The following CSMD1 variants were observed in gnomAD, a reference collection of about 807,000 sequenced individuals.
CSMD1 encodes the protein CUB and sushi domain-containing protein 1.
CSMD1 carries 213 observed loss-of-function variants against 417.5 expected under a neutral mutation model. The observed-to-expected ratio is 0.51, with a 90% confidence interval of 0.46 to 0.57. The LOEUF is 0.57. CSMD1 is among the 20% of genes least tolerant of loss of function. The pLI, the probability that CSMD1 is intolerant of heterozygous loss-of-function variation, is 0.00. For synonymous variants in CSMD1, 2,862 were observed against 1,736.8 expected (o/e 1.65, Z -16.11); for missense variants, 6,923 against 4,529.7 (o/e 1.53, Z -15.17).
At chr8:3,202,680 T>A (rs531645376) in intron 31 of CSMD1, among the ~76,000 whole-genome samples, 1 of 152,354 alleles carries the variant, frequency 6.6e-6, no homozygotes, top group African/African-American at 2.4e-5. Context: ...ACTAGTTGTG[T>A]GTGTCAGAAT....
At chr8:4,335,061 C>G (rs949796881) in intron 3 of CSMD1, among the ~76,000 whole-genome samples, 1 of 152,096 alleles carries the variant, frequency 6.6e-6, no homozygotes, top group Non-Finnish European at 1.5e-5. Flanking sequence ...ACCACCATAT[C>G]TGACTAATTT....
chr8:3,656,923 T>G (rs1219926289), intron 7 of CSMD1, among the ~76,000 whole-genome samples: 1 of 142,542 alleles, frequency 7.0e-6, no homozygotes, highest in East Asian at 2.1e-4. Context: ...AGACTCTGTC[T>G]AAAAAAAAAA....
At chr8:3,348,211 GT>G in intron 21 of CSMD1, 50 bp from the exon 22 acceptor site, 1 of 1,449,066 alleles carries the variant, frequency 6.9e-7, no homozygotes, top group Non-Finnish European at 9.5e-7. Context: ...TGGAATTACT[GT>G]TTTTAACAGA....
At chr8:3,366,678 C>A (rs970064907) in intron 20 of CSMD1, among the ~76,000 whole-genome samples, 1 of 151,992 alleles carries the variant, frequency 6.6e-6, no homozygotes, top group Non-Finnish European at 1.5e-5. Flanking sequence ...GACAACAGAC[C>A]CAGAGGATGC....
intron 3 of CSMD1, among the ~76,000 whole-genome samples, chr8:4,396,674 C>A (rs1804243618): frequency 6.6e-6 from 1 of 152,026 alleles, no homozygotes. Flanking sequence ...TACACACACA[C>A]ACCCAATGGA....
intron 2 of CSMD1, among the ~76,000 whole-genome samples, chr8:4,432,062 A>G (rs1364313237): frequency 6.6e-6 from 1 of 152,200 alleles, no homozygotes; most frequent in Admixed American, 6.5e-5. Context: ...CTCACAGACT[A>G]AAACAGACAG....
chr8:4,513,882 T>G (rs1802960482), intron 2 of CSMD1, among the ~76,000 whole-genome samples: 1 of 152,194 alleles, frequency 6.6e-6, no homozygotes, highest in South Asian at 2.1e-4. Flanking sequence ...ATTTTTGTGA[T>G]CAGTGGTTCC....
At chr8:4,222,145 A>C (rs1344124125) in intron 3 of CSMD1, among the ~76,000 whole-genome samples, 1 of 152,074 alleles carries the variant, frequency 6.6e-6, no homozygotes, top group Non-Finnish European at 1.5e-5. Context: ...GAACCTTCAC[A>C]GAGCCTTACC....
At chr8:3,525,797 T>C (rs1488582695) in intron 10 of CSMD1, among the ~76,000 whole-genome samples, 2 of 152,164 alleles carry the variant, frequency 1.3e-5, no homozygotes, top group Non-Finnish European at 1.5e-5. Flanking sequence ...AGAAACTTGG[T>C]TGCTTACCAC....
intron 3 of CSMD1, among the ~76,000 whole-genome samples, chr8:4,062,633 G>C (rs573288892): frequency 5.3e-5 from 8 of 151,882 alleles, no homozygotes; most frequent in African/African-American, 1.9e-4. Flanking sequence ...GCACTTATTA[G>C]ATTTCAATTC....
intron 3 of CSMD1, among the ~76,000 whole-genome samples, chr8:4,412,102 T>C (rs1009289915): frequency 6.6e-6 from 1 of 152,028 alleles, no homozygotes; most frequent in Non-Finnish European, 1.5e-5. Context: ...TGCGTGCGTG[T>C]GTGTGCATGT....
intron 3 of CSMD1, among the ~76,000 whole-genome samples, chr8:4,242,948 G>A (rs1402730986): frequency 2.0e-5 from 3 of 152,146 alleles, no homozygotes; most frequent in Admixed American, 2.0e-4. Context: ...ATATAACATT[G>A]CATGAAAAGT....
At chr8:3,670,907 A>T (rs1798984127) in intron 7 of CSMD1, among the ~76,000 whole-genome samples, 1 of 117,676 alleles carries the variant, frequency 8.5e-6, no homozygotes, top group Non-Finnish European at 2.0e-5. Flanking sequence ...ATATATATGT[A>T]TATGGGATAT....
chr8:4,027,142 C>G (rs1410770718), intron 4 of CSMD1, among the ~76,000 whole-genome samples: 1 of 152,156 alleles, frequency 6.6e-6, no homozygotes, highest in Non-Finnish European at 1.5e-5. Context: ...GTTGGGTACA[C>G]TACCAGGTGG....
chr8:4,254,647 A>T (rs1331497331), intron 3 of CSMD1, among the ~76,000 whole-genome samples: 2 of 152,156 alleles, frequency 1.3e-5, no homozygotes, highest in African/African-American at 4.8e-5. Flanking sequence ...TATCTGTGGT[A>T]ACTGCCGTAG....
At chr8:4,705,680 T>C (rs1330461954) in intron 1 of CSMD1, among the ~76,000 whole-genome samples, 1 of 152,228 alleles carries the variant, frequency 6.6e-6, no homozygotes, top group Non-Finnish European at 1.5e-5. Flanking sequence ...GTCATATGAA[T>C]ATCACTCTTT....
At chr8:4,615,525 A>T (rs2130801404) in intron 2 of CSMD1, among the ~76,000 whole-genome samples, 1 of 152,346 alleles carries the variant, frequency 6.6e-6, no homozygotes, top group Non-Finnish European at 1.5e-5. Flanking sequence ...AGTAGGAAAA[A>T]TATTGCATAT....
chr8:3,163,476 C>T (rs797003954), intron 37 of CSMD1, among the ~76,000 whole-genome samples: 15 of 152,030 alleles, frequency 9.9e-5, no homozygotes, highest in African/African-American at 3.1e-4. Flanking sequence ...TAGTGGTCCC[C>T]AGGCACAGAG....
chr8:4,705,867 T>C (rs916962943), intron 1 of CSMD1, among the ~76,000 whole-genome samples: 1 of 152,304 alleles, frequency 6.6e-6, no homozygotes, highest in Admixed American at 6.5e-5. Context: ...CTTTAAAATA[T>C]ACAGATTCTT....
Sources: allele counts gnomAD v4.1 joint callset (sites outside exome capture counted in the v4.1 genomes callset), GRCh38; gene constraint gnomAD v4.1.1; transcripts MANE v1.5; gene names NCBI Gene and HGNC (gene_info 2026-07-23, HGNC 2026-07-21).